The following CSMD2 variants were observed in gnomAD, a reference collection of about 807,000 sequenced individuals.
CSMD2 encodes CUB and sushi domain-containing protein 2.
In CSMD2, 130 loss-of-function variants were observed where a neutral mutation model predicts 398.5. The ratio of observed to expected loss-of-function variants is 0.33; its 90% CI spans 0.28 to 0.38. The LOEUF is 0.38. CSMD2 is among the 10% of genes least tolerant of loss of function. The pLI is 1.00. For synonymous variants in CSMD2, 1,828 were observed against 1,908.5 expected (o/e 0.96, Z 1.10); for missense variants, 3,829 against 4,764.9 (o/e 0.80, Z 5.78).
chr1:33,921,933 A>G (rs1196838014), intron 4 of CSMD2, among the ~76,000 whole-genome samples: 1 of 152,182 alleles, frequency 6.6e-6, no homozygotes, highest in Non-Finnish European at 1.5e-5. Flanking sequence ...CCATCATCAA[A>G]GCTGCAACTA....
chr1:33,912,769 C>T (rs1316595340), intron 5 of CSMD2, among the ~76,000 whole-genome samples: 1 of 152,134 alleles, frequency 6.6e-6, no homozygotes, highest in Non-Finnish European at 1.5e-5. Flanking sequence ...GCACAGAGCT[C>T]TTAGTGGTAG....
intron 2 of CSMD2, among the ~76,000 whole-genome samples, chr1:34,042,636 G>T (rs1294720892): frequency 6.6e-6 from 1 of 152,178 alleles, no homozygotes; most frequent in Non-Finnish European, 1.5e-5. Flanking sequence ...AAGAGATCTG[G>T]ATCAGCTAGA....
rs1301393963 is a variant in CSMD2 at position 33,636,871 on chromosome 1, CAT to C, written c.4775-319_4775-318del. ...CCTGCTTGCTCCTCCCCAAGGGAAA[CAT>C]GTGTTTCTCTGGCTGGTGGGGGCTG... On this transcript the variant is annotated intron_variant, in intron 29 of 70. Coordinates refer to ENST00000373381, the MANE Select transcript of CSMD2 (RefSeq NM_001281956.2). This position sits in a 1 kb window ranked among gnomAD's most constrained non-coding sequence, Gnocchi z 4.8. 4.6e-5 allele frequency among the ~76,000 whole-genome samples: 7 copies of C among 152,154 alleles called. No homozygotes were observed. Among genetic ancestry groups the C allele is most frequent in the South Asian group, 2.1e-4 (1 of 4,826 alleles).
At chr1:33,667,367 G>A (rs1644351487) in intron 25 of CSMD2, among the ~76,000 whole-genome samples, 1 of 152,218 alleles carries the variant, frequency 6.6e-6, no homozygotes, top group Non-Finnish European at 1.5e-5. Flanking sequence ...GTCCATGCAA[G>A]CATCTTTATT....
intron 2 of CSMD2, among the ~76,000 whole-genome samples, chr1:34,075,715 T>G (rs562829142): frequency 6.6e-6 from 1 of 152,250 alleles, no homozygotes; most frequent in Non-Finnish European, 1.5e-5. Context: ...AGATTATGTT[T>G]GCTCGTGTCC....
At chr1:33,749,880 C>G (rs1034589063) in intron 13 of CSMD2, among the ~76,000 whole-genome samples, 1 of 152,140 alleles carries the variant, frequency 6.6e-6, no homozygotes, top group Admixed American at 6.5e-5. Context: ...AAACTATAAA[C>G]AAACTTGTAA....
At chr1:33,891,434 C>T (rs1642009692) in intron 5 of CSMD2, among the ~76,000 whole-genome samples, 1 of 151,164 alleles carries the variant, frequency 6.6e-6, no homozygotes, top group Non-Finnish European at 1.5e-5. Flanking sequence ...AATAGGAACA[C>T]TTTTACACTG....
intron 26 of CSMD2, among the ~76,000 whole-genome samples, chr1:33,658,967 C>T (rs1466126376): frequency 6.6e-6 from 1 of 152,130 alleles, no homozygotes; most frequent in East Asian, 1.9e-4. Context: ...GTGAGGTTAC[C>T]GGGAGTTACT....
chr1:33,692,927 T>C lies in CSMD2; in HGVS notation c.4052+3A>G. The C allele has an allele frequency of 6.2e-7, 1 of 1,609,376 alleles. No individual in the cohort carries two copies. Among genetic ancestry groups the C allele is most frequent in the Non-Finnish European group, 8.5e-7 (1 of 1,178,006 alleles). On this transcript the variant is annotated splice_donor_region_variant and intron_variant, in intron 25 of 70. Transcript: ENST00000373381. ...TAGTTACTTTGTCAGCCCTGACACT[T>C]ACCCAATGGTGCAGCCGGCCTCTGC...
intron 5 of CSMD2, among the ~76,000 whole-genome samples, chr1:33,908,484 G>A (rs10429861): frequency 2.0e-5 from 3 of 152,338 alleles, no homozygotes; most frequent in South Asian, 4.1e-4. Context: ...GGCACAGGCC[G>A]CCTCGCAGAT....
At chr1:33,983,553 A>C (rs922220483) in intron 3 of CSMD2, among the ~76,000 whole-genome samples, 2 of 151,554 alleles carry the variant, frequency 1.3e-5, no homozygotes, top group South Asian at 2.1e-4. Flanking sequence ...TTCTCACAGA[A>C]CGTCTGCTGT....
intron 25 of CSMD2, among the ~76,000 whole-genome samples, chr1:33,668,519 C>G (rs758261668): frequency 1.3e-5 from 2 of 152,194 alleles, no homozygotes; most frequent in African/African-American, 4.8e-5. Context: ...TTATAGAAAT[C>G]AGAGTCTATA....
chr1:33,522,599 G>T (rs143239488), intron 67 of CSMD2, among the ~76,000 whole-genome samples: 63 of 152,272 alleles, frequency 4.1e-4, no homozygotes, highest in Admixed American at 1.1e-3. Context: ...CCACCAGCTG[G>T]TCCTGTCCAT....
intron 7 of CSMD2, among the ~76,000 whole-genome samples, chr1:33,823,779 G>A (rs1282629460): frequency 6.6e-6 from 1 of 152,220 alleles, no homozygotes; most frequent in African/African-American, 2.4e-5. Context: ...CTCTTAGAAT[G>A]GAGGCTAATA....
intron 3 of CSMD2, among the ~76,000 whole-genome samples, chr1:33,949,622 C>T (rs1644943334): frequency 6.6e-6 from 1 of 152,212 alleles, no homozygotes; most frequent in Admixed American, 6.5e-5. Flanking sequence ...GGCTCACCAG[C>T]CAGTGGCTCA....
chr1:33,825,916 A>AG, intron 6 of CSMD2, 142 bp from the exon 7 acceptor site: 1 of 660,724 alleles, frequency 1.5e-6, no homozygotes, highest in Non-Finnish European at 2.6e-6. Flanking sequence ...GGACATTCCA[A>AG]GGGTAGTGGT....
intron 2 of CSMD2, among the ~76,000 whole-genome samples, chr1:34,063,177 G>A (rs969590781): frequency 2.0e-5 from 3 of 152,104 alleles, no homozygotes; most frequent in Admixed American, 2.0e-4. Flanking sequence ...AGATTGGGGT[G>A]GGGACACAGC....
intron 2 of CSMD2, among the ~76,000 whole-genome samples, chr1:34,056,872 T>C (rs980487052): frequency 2.0e-5 from 3 of 152,142 alleles, no homozygotes; most frequent in Non-Finnish European, 4.4e-5. Flanking sequence ...GACCTGGTCA[T>C]ATAAGGTGCC....
At chr1:33,970,737 C>T (rs1645732120) in intron 3 of CSMD2, among the ~76,000 whole-genome samples, 1 of 152,304 alleles carries the variant, frequency 6.6e-6, no homozygotes, top group African/African-American at 2.4e-5. Flanking sequence ...CCATATGTGT[C>T]CACTTGCTCC....
Sources: gnomAD v4.1 joint callset for allele counts (sites outside exome capture counted in the v4.1 genomes callset) on GRCh38, gnomAD v4.1.1 for gene constraint, Gnocchi (gnomAD v3.1) non-coding constraint, MANE v1.5 for transcripts, NCBI Gene and HGNC (gene_info 2026-07-23, HGNC 2026-07-21) for gene names.